Variants in HSBP1 observed in about 807,000 individuals in gnomAD.
HSBP1 encodes the protein heat shock factor-binding protein 1.
HSBP1 carries 5 observed loss-of-function variants against 9.6 expected under a neutral mutation model. That is an observed-to-expected ratio of 0.52 (90% CI 0.27 to 1.09). The LOEUF is 1.09. Among genes scored for constraint, HSBP1 ranks in the 50% least tolerant of loss-of-function variants. The pLI, the probability that HSBP1 is intolerant of heterozygous loss-of-function variation, is 0.11. For synonymous variants in HSBP1, 42 were observed against 33.3 expected (o/e 1.26, Z -0.90); for missense variants, 121 against 96.3 (o/e 1.26, Z -1.07).
intron 3 of HSBP1, among the ~76,000 whole-genome samples, chr16:83,810,521 CA>C (rs751338141): frequency 7.1e-3 from 367 of 51,612 alleles, no homozygotes; most frequent in Admixed American, 9.9e-3. Flanking sequence ...GACTCTGTCT[CA>C]AAAAAAAAAA....
chr16:83,808,331 C>T (rs1017440384), intron 1 of HSBP1: 3 of 556,514 alleles, frequency 5.4e-6, no homozygotes, highest in African/African-American at 4.0e-5. Flanking sequence ...CCAAGCCCGA[C>T]CCCTTCCAGT....
rs11445473 is a variant in HSBP1 at position 83,815,511 on chromosome 16, CAA to C, written c.*4107_*4108del. On this transcript the variant is annotated 3_prime_UTR_variant, in exon 4 of 4. Coordinates refer to ENST00000433866, the MANE Select transcript of HSBP1 (RefSeq NM_001537.4). The stretch of plus-strand genomic sequence containing the variant: ...GGGGTGACAGAGCAAGACCCTGTCT[CAA>C]AAAAAAAAAAAAAGGGCGGATCCTA... The C allele has an allele frequency of 1.6e-4, 22 of 136,160 alleles. No homozygotes were observed. The highest frequency in any genetic ancestry group is 2.2e-4 in the Admixed American group (3 of 13,426). The allele number at this position is 136,160 out of a possible 1,614,324, so 8.4% of individuals were successfully genotyped here.
In HSBP1 at chr16:83,813,945, G is replaced by A. The variant is rs907668651; in HGVS notation, c.*2527G>A. ...TATCAGGACTAACACAATATTTCAC[G>A]TAACTAAGAGTTAATTTGCCCTTGT... On this transcript the variant is annotated 3_prime_UTR_variant, in exon 4 of 4. Coordinates refer to ENST00000433866, the MANE Select transcript of HSBP1 (RefSeq NM_001537.4). 7.9e-5 allele frequency: 12 copies of A among 152,180 alleles called. No individual in the cohort carries two copies. Among genetic ancestry groups the A allele is most frequent in the African/African-American group, 2.4e-4 (10 of 41,510 alleles). The allele number at this position is 152,180 out of a possible 1,614,324, so 9.4% of individuals were successfully genotyped here.
At position 83,815,654 on chromosome 16, in the gene HSBP1, C is replaced by G. The variant is rs1004981733; in HGVS notation, c.*4236C>G. The G allele has an allele frequency of 2.6e-5, 4 of 152,118 alleles. No homozygotes were observed. The highest frequency in any genetic ancestry group is 9.7e-5 in the African/African-American group (4 of 41,394). 9.4% of individuals were successfully genotyped at this position (152,118 alleles called of 1,614,324 possible). A position where few individuals can be genotyped will look rare whatever the true frequency, so the allele number is the denominator to read the frequency against. ...TACAACATCAGCCTCTGTGGGATCCCTGAGAATGATGAAATGTAATATGTG... is the reference window on the plus strand; with the variant it reads ...TACAACATCAGCCTCTGTGGGATCCGTGAGAATGATGAAATGTAATATGTG... On this transcript the variant is annotated 3_prime_UTR_variant, in exon 4 of 4. Transcript: ENST00000433866.
chr16:83,808,651 C>T (rs1004304489), intron 1 of HSBP1, 29 bp from the exon 2 acceptor site: 1 of 1,586,386 alleles, frequency 6.3e-7, no homozygotes, highest in Non-Finnish European at 8.6e-7. Flanking sequence ...TCGATGTGGA[C>T]CGTGTTTGTT....
Position 83,811,759 on chromosome 16 carries a change from G to T in HSBP1, c.*341G>T, listed in dbSNP as rs918455593. 4 of 152,142 alleles carry T rather than the reference G, an allele frequency of 2.6e-5. No homozygotes were observed. The South Asian group carries it at 8.3e-4, about 32-fold the overall frequency. 9.4% of individuals were successfully genotyped at this position (152,142 alleles called of 1,614,324 possible). A position where few individuals can be genotyped will look rare whatever the true frequency, so the allele number is the denominator to read the frequency against. On this transcript the variant is annotated 3_prime_UTR_variant, in exon 4 of 4. Coordinates refer to ENST00000433866, the MANE Select transcript of HSBP1 (RefSeq NM_001537.4). ...AGTTGCTGTTTGGATAAAAGTTGATGTGTGATTTTTTATTAAACAAATAGT... is the reference window on the plus strand; with the variant it reads ...AGTTGCTGTTTGGATAAAAGTTGATTTGTGATTTTTTATTAAACAAATAGT...
At chr16:83,809,768 T>G (rs1368016743) in intron 3 of HSBP1, among the ~76,000 whole-genome samples, 1 of 151,340 alleles carries the variant, frequency 6.6e-6, no homozygotes, top group Non-Finnish European at 1.5e-5. Context: ...GTGCCCGGTC[T>G]TTTTTTTTAT....
rs1208936986 is a variant in HSBP1 at position 83,818,902 on chromosome 16, G to A, written c.*7484G>A. ...TTGGAGACATTTCCCATAGGGCAGTGGTTCTTAAAATACGTTCCTGAACCG... is the reference window on the plus strand; with the variant it reads ...TTGGAGACATTTCCCATAGGGCAGTAGTTCTTAAAATACGTTCCTGAACCG... On this transcript the variant is annotated 3_prime_UTR_variant, in exon 4 of 4. Coordinates refer to ENST00000433866, the MANE Select transcript of HSBP1 (RefSeq NM_001537.4). 6.6e-6 allele frequency: 1 copy of A among 152,174 alleles called. No individual in the cohort carries two copies. Among genetic ancestry groups the A allele is most frequent in the Non-Finnish European group, 1.5e-5 (1 of 68,030 alleles). 9.4% of individuals were successfully genotyped at this position (152,174 alleles called of 1,614,324 possible). A position where few individuals can be genotyped will look rare whatever the true frequency, so the allele number is the denominator to read the frequency against.
At position 83,816,504 on chromosome 16, in the gene HSBP1, G is replaced by T. The variant is rs1236370098; in HGVS notation, c.*5086G>T. ...GAGAATGCCTTTCTTCTTCCCTTTT[G>T]TCTCCTAAGAGTGAAGAAAATGTTT... On this transcript the variant is annotated 3_prime_UTR_variant, in exon 4 of 4. Coordinates refer to ENST00000433866, the MANE Select transcript of HSBP1 (RefSeq NM_001537.4). 1.3e-5 allele frequency: 2 copies of T among 152,162 alleles called. No homozygotes were observed. The highest frequency in any genetic ancestry group is 2.9e-5 in the Non-Finnish European group (2 of 68,024). 9.4% of individuals were successfully genotyped at this position (152,162 alleles called of 1,614,324 possible).
chr16:83,810,855 G>C (rs544050268), intron 3 of HSBP1, among the ~76,000 whole-genome samples: 1 of 152,284 alleles, frequency 6.6e-6, no homozygotes, highest in African/African-American at 2.4e-5. Context: ...GATTCGTAGA[G>C]TACTAAGCAG....
chr16:83,818,206 AG>A lies in HSBP1; in HGVS notation c.*6789del, dbSNP rs1387975540. Reference sequence around the variant, plus strand: ...GATTATATCAGATGCGCATTTTGCCAGCATCCTCAGAAGGAGATGCGAGGAA... The same window carrying A: ...GATTATATCAGATGCGCATTTTGCCACATCCTCAGAAGGAGATGCGAGGAA... On this transcript the variant is annotated 3_prime_UTR_variant, in exon 4 of 4. Transcript: ENST00000433866. The A allele has an allele frequency of 1.3e-5, 2 of 152,202 alleles. No individual in the cohort carries two copies. The highest frequency in any genetic ancestry group is 2.9e-5 in the Non-Finnish European group (2 of 68,044). 9.4% of individuals were successfully genotyped at this position (152,202 alleles called of 1,614,324 possible).
rs1445644638 is a variant in HSBP1, at chr16:83,813,901, T to C, written c.*2483T>C. 6.6e-6 allele frequency: 1 copy of C among 152,178 alleles called. No individual in the cohort carries two copies. The highest frequency in any genetic ancestry group is 6.5e-5 in the Admixed American group (1 of 15,278). The allele number at this position is 152,178 out of a possible 1,614,324, so 9.4% of individuals were successfully genotyped here. A position where few individuals can be genotyped will look rare whatever the true frequency, so the allele number is the denominator to read the frequency against. ...AATTTTTTCTTTGTTTCACTACAAG[T>C]ACAGTCATTGTTTAACCCTATCAGG... On this transcript the variant is annotated 3_prime_UTR_variant, in exon 4 of 4. Coordinates refer to ENST00000433866, the MANE Select transcript of HSBP1 (RefSeq NM_001537.4).
At position 83,814,027 on chromosome 16, in the gene HSBP1, A is replaced by G. The variant is rs1904663181; in HGVS notation, c.*2609A>G. 1 of 129,264 alleles carries G rather than the reference A, an allele frequency of 7.7e-6. No homozygotes were observed. The highest frequency in any genetic ancestry group is 2.5e-4 in the South Asian group (1 of 3,960). The allele number at this position is 129,264 out of a possible 1,614,324, so 8.0% of individuals were successfully genotyped here. On this transcript the variant is annotated 3_prime_UTR_variant, in exon 4 of 4. Transcript: ENST00000433866. ...CACTTAGAGCACTGTTGCTATGGGA[A>G]CATAGAGTCCTCCAAACAAAAGTGA...
chr16:83,814,942 G>A lies in HSBP1; in HGVS notation c.*3524G>A, dbSNP rs2151031856. ...AATTATTGCTTGAGGCCCAACCCGG[G>A]GGATAAAAAGACACCCCCCCGCCAC... On this transcript the variant is annotated 3_prime_UTR_variant, in exon 4 of 4. Transcript: ENST00000433866. The A allele has an allele frequency of 6.8e-6, 1 of 147,076 alleles. No homozygotes were observed. Among genetic ancestry groups the A allele is most frequent in the Non-Finnish European group, 1.5e-5 (1 of 65,230 alleles). The allele number at this position is 147,076 out of a possible 1,614,324, so 9.1% of individuals were successfully genotyped here.
chr16:83,812,280 G>A lies in HSBP1; in HGVS notation c.*862G>A, dbSNP rs1226751915. ...GGAAAAGAGACCATATTAAGTCCAT[G>A]CCAGTTGCTTGGCTAGAATATGATC... is the stretch of plus-strand genomic sequence containing the variant. On this transcript the variant is annotated 3_prime_UTR_variant, in exon 4 of 4. Transcript: ENST00000433866. 1 of 152,578 alleles carries A rather than the reference G, an allele frequency of 6.6e-6. No homozygotes were observed. The highest frequency in any genetic ancestry group is 2.4e-5 in the African/African-American group (1 of 41,458). 9.5% of individuals were successfully genotyped at this position (152,578 alleles called of 1,614,324 possible).
rs1904757084 is a variant in HSBP1, at chr16:83,817,894, G to A, written c.*6476G>A. On this transcript the variant is annotated 3_prime_UTR_variant, in exon 4 of 4. Transcript: ENST00000433866. The stretch of plus-strand genomic sequence containing the variant: ...TGGAACAGAAGCCTAGGACTGGTAA[G>A]TCCAGGAAATGCTGCAAAACAATGC... The A allele has an allele frequency of 1.3e-5, 2 of 152,206 alleles. No homozygotes were observed. Among genetic ancestry groups the A allele is most frequent in the Admixed American group, 6.5e-5 (1 of 15,282 alleles). The allele number at this position is 152,206 out of a possible 1,614,324, so 9.4% of individuals were successfully genotyped here. A position where few individuals can be genotyped will look rare whatever the true frequency, so the allele number is the denominator to read the frequency against.
rs377128527 is a variant in HSBP1 at position 83,818,742 on chromosome 16, A to C, written c.*7324A>C. ...AAAGGTTTGCAGCGGCACCTAAGTC[A>C]CTGAAGTTCTGGCAGAATTCATTCT... On this transcript the variant is annotated 3_prime_UTR_variant, in exon 4 of 4. Transcript: ENST00000433866. 1 of 152,200 alleles carries C rather than the reference A, an allele frequency of 6.6e-6. No individual in the cohort carries two copies. The highest frequency in any genetic ancestry group is 6.5e-5 in the Admixed American group (1 of 15,278). 9.4% of individuals were successfully genotyped at this position (152,200 alleles called of 1,614,324 possible).
rs1270324704 is a variant in HSBP1 at position 83,809,352 on chromosome 16, G to A, written c.160G>A (p.Asp54Asn). ...TGATGATCTGGAAAAGAATATCGCG[G>A]ACCTCATGACACAGGCTGGGGTGGA... ...RIDDLEKNIA[D>N]LMTQAGVEEL... The change falls in exon 3 of 4, where the codon GAC (aspartate) becomes AAC (asparagine). Residue 54 changes from aspartate to asparagine, a missense_variant. Transcript: ENST00000433866. 1.2e-6 allele frequency: 2 copies of A among 1,603,930 alleles called. No individual in the cohort carries two copies. Among genetic ancestry groups the A allele is most frequent in the South Asian group, 1.1e-5 (1 of 88,694 alleles).
In HSBP1 at chr16:83,809,239, G is replaced by A. The variant is rs77309135; in HGVS notation, c.113-66G>A. On this transcript the variant is annotated intron_variant, in intron 2 of 3. Coordinates refer to ENST00000433866, the MANE Select transcript of HSBP1 (RefSeq NM_001537.4). ...TAAAGTCGTTGTGTTTAAGGCTGTAGTCTGCAGGGACGGGAGGAAAAAGGC... is the reference window on the plus strand; with the variant it reads ...TAAAGTCGTTGTGTTTAAGGCTGTAATCTGCAGGGACGGGAGGAAAAAGGC... 2.7e-5 allele frequency: 27 copies of A among 1,009,838 alleles called. 1 individual carries two copies. In the Middle Eastern group the frequency reaches 6.1e-4, roughly 23 times the overall value. The allele number at this position is 1,009,838 out of a possible 1,614,324, so 62.6% of individuals were successfully genotyped here. A position where few individuals can be genotyped will look rare whatever the true frequency, so the allele number is the denominator to read the frequency against.
Sources: allele counts gnomAD v4.1 joint callset (sites outside exome capture counted in the v4.1 genomes callset), GRCh38; gene constraint gnomAD v4.1.1; transcripts MANE v1.5; gene names NCBI Gene and HGNC (gene_info 2026-07-23, HGNC 2026-07-21).